PLAA: variants seen among roughly 807,000 people sequenced by gnomAD.
PLAA encodes phospholipase A-2-activating protein.
A neutral mutation model predicts 84.1 loss-of-function variants in PLAA; 48 were observed. The ratio of observed to expected loss-of-function variants is 0.57; its 90% CI spans 0.45 to 0.73. The LOEUF is 0.73. PLAA is among the 30% of genes least tolerant of loss of function. The pLI is 0.00. For missense variants in PLAA, 903 were observed against 954.7 expected (o/e 0.95, Z 0.71); for synonymous variants, 392 against 336.6 (o/e 1.16, Z -1.80).
At chr9:26,915,881 A>G in intron 10 of PLAA, 1 of 985,372 alleles carries the variant, frequency 1.0e-6, no homozygotes, top group Non-Finnish European at 1.2e-6. Flanking sequence ...TTGGATTCTC[A>G]CTTGGTATTA....
At chr9:26,945,295 A>C (rs1825656584) in intron 1 of PLAA, among the ~76,000 whole-genome samples, 4 of 152,216 alleles carry the variant, frequency 2.6e-5, no homozygotes, top group African/African-American at 9.6e-5. Flanking sequence ...CCATTATTAA[A>C]ACAGGCATCC....
intron 1 of PLAA, among the ~76,000 whole-genome samples, chr9:26,946,071 T>C (rs191062374): frequency 6.6e-6 from 1 of 152,342 alleles, no homozygotes; most frequent in Admixed American, 6.5e-5. Flanking sequence ...TCAACAGTTA[T>C]CAACTGAATT....
intron 1 of PLAA, among the ~76,000 whole-genome samples, chr9:26,937,147 A>G (rs1825385709): frequency 6.6e-6 from 1 of 152,126 alleles, no homozygotes; most frequent in South Asian, 2.1e-4. Flanking sequence ...TCTCTCAAAA[A>G]AAGAAAAAAA....
chr9:26,936,719 C>T (rs1227850301), intron 1 of PLAA, among the ~76,000 whole-genome samples: 1 of 142,558 alleles, frequency 7.0e-6, no homozygotes, highest in Non-Finnish European at 1.6e-5. Flanking sequence ...GATCTGTTCT[C>T]TGATCACTGA....
rs571180180 is a variant in PLAA at position 26,904,961 on chromosome 9, A to G, written c.*550T>C. 5.9e-5 allele frequency: 9 copies of G among 152,056 alleles called. No homozygotes were observed. The highest frequency in any genetic ancestry group is 1.3e-4 in the Admixed American group (2 of 15,256). 9.4% of individuals were successfully genotyped at this position (152,056 alleles called of 1,614,324 possible). On this transcript the variant is annotated 3_prime_UTR_variant, in exon 14 of 14. Coordinates refer to ENST00000397292, the MANE Select transcript of PLAA (RefSeq NM_001031689.3). The stretch of plus-strand genomic sequence containing the variant: ...TAAAAATAGGCCATTAAACAAATAT[A>G]CTTTAGGATTTATAAATGACAAATC...
In PLAA at chr9:26,935,236, T is replaced by C. The variant is rs964811199; in HGVS notation, c.150-30A>G. On this transcript the variant is annotated intron_variant, in intron 1 of 13. Coordinates refer to ENST00000397292, the MANE Select transcript of PLAA (RefSeq NM_001031689.3). ...AAAGACAAGATAATTAATAGATACA[T>C]ATTCGTACCCTGACTTAGCCTAGGA... is the stretch of plus-strand genomic sequence containing the variant. 4.9e-6 allele frequency: 7 copies of C among 1,420,182 alleles called. No individual in the cohort carries two copies. In the Admixed American group the frequency reaches 1.5e-4, roughly 30 times the overall value. 88.0% of individuals were successfully genotyped at this position (1,420,182 alleles called of 1,614,324 possible).
At chr9:26,930,262 G>A (rs1159588057) in intron 2 of PLAA, among the ~76,000 whole-genome samples, 1 of 151,792 alleles carries the variant, frequency 6.6e-6, no homozygotes, top group African/African-American at 2.4e-5. Flanking sequence ...CCGCCACCAC[G>A]CCCAGCTAAT....
rs777743630 is a variant in PLAA at position 26,947,082 on chromosome 9, G to C, written c.-37C>G. Reference sequence around the variant, plus strand: ...GTCTGGCGCCCGGTGCCCAGGCACTGTGCGAGACCAGTCCGCAGGGGCGAC... The same window carrying C: ...GTCTGGCGCCCGGTGCCCAGGCACTCTGCGAGACCAGTCCGCAGGGGCGAC... On this transcript the variant is annotated 5_prime_UTR_variant, in exon 1 of 14. Transcript: ENST00000397292. 4 of 1,496,508 alleles carry C rather than the reference G, an allele frequency of 2.7e-6. No homozygotes were observed. The highest frequency in any genetic ancestry group is 3.6e-6 in the Non-Finnish European group (4 of 1,121,566). The allele number at this position is 1,496,508 out of a possible 1,614,324, so 92.7% of individuals were successfully genotyped here.
At chr9:26,925,724 C>A in intron 6 of PLAA, 101 bp downstream of exon 6, 1 of 1,008,830 alleles carries the variant, frequency 9.9e-7, no homozygotes, top group Non-Finnish European at 1.5e-6. Context: ...ATATAGTCTC[C>A]TCAAGTCACG....
chr9:26,921,983 T>G (rs1824778570), intron 7 of PLAA, among the ~76,000 whole-genome samples: 1 of 152,212 alleles, frequency 6.6e-6, no homozygotes, highest in Non-Finnish European at 1.5e-5. Context: ...CGGAACATGC[T>G]CAATTTGTTC....
intron 1 of PLAA, among the ~76,000 whole-genome samples, chr9:26,936,219 G>C (rs1392450904): frequency 1.3e-5 from 2 of 150,782 alleles, no homozygotes; most frequent in Non-Finnish European, 3.0e-5. Flanking sequence ...TTTAATAAAG[G>C]CTTAATTAAA....
At chr9:26,936,409 G>A (rs913589043) in intron 1 of PLAA, among the ~76,000 whole-genome samples, 2 of 152,240 alleles carry the variant, frequency 1.3e-5, no homozygotes, top group African/African-American at 4.8e-5. Flanking sequence ...GAAGTCGGCA[G>A]AGTCGGAAGC....
At chr9:26,944,982 C>T (rs574304032) in intron 1 of PLAA, among the ~76,000 whole-genome samples, 1 of 152,278 alleles carries the variant, frequency 6.6e-6, no homozygotes, top group East Asian at 1.9e-4. Context: ...ACAAAATTAG[C>T]CGGGCATGGT....
In PLAA at chr9:26,903,777, T is replaced by G. The variant is rs930939571; in HGVS notation, c.*1734A>C. Reference sequence around the variant, plus strand: ...AATAGTAAAGTTGACATAAAAAAACTTGCACAGTAATAGGAAGCAGTGTTT... The same window carrying G: ...AATAGTAAAGTTGACATAAAAAAACGTGCACAGTAATAGGAAGCAGTGTTT... On this transcript the variant is annotated 3_prime_UTR_variant, in exon 14 of 14. Coordinates refer to ENST00000397292, the MANE Select transcript of PLAA (RefSeq NM_001031689.3). Among the ~76,000 whole-genome samples the G allele has an allele frequency of 2.6e-5, 4 of 152,180 alleles. No individual in the cohort carries two copies. The highest frequency in any genetic ancestry group is 1.3e-4 in the Admixed American group (2 of 15,276).
intron 2 of PLAA, 143 bp from the exon 3 acceptor site, chr9:26,928,551 A>T (rs1188224449): frequency 1.5e-6 from 1 of 673,790 alleles, no homozygotes; most frequent in African/African-American, 1.8e-5. Flanking sequence ...GCAGAGACGC[A>T]TAAGAGTACA....
intron 7 of PLAA, among the ~76,000 whole-genome samples, chr9:26,922,067 C>T (rs1226180148): frequency 6.6e-6 from 1 of 152,144 alleles, no homozygotes; most frequent in African/African-American, 2.4e-5. Flanking sequence ...AATAGCACTC[C>T]ATGAAAAAAC....
chr9:26,939,934 A>T (rs557715338), intron 1 of PLAA, among the ~76,000 whole-genome samples: 1 of 152,346 alleles, frequency 6.6e-6, no homozygotes, highest in African/African-American at 2.4e-5. Flanking sequence ...TTCTACAATA[A>T]TAGTTGAAGA....
At chr9:26,937,261 A>G (rs1440247885) in intron 1 of PLAA, among the ~76,000 whole-genome samples, 3 of 152,210 alleles carry the variant, frequency 2.0e-5, no homozygotes, top group Non-Finnish European at 4.4e-5. Flanking sequence ...AAAAAATTAG[A>G]AAGTGAAAGT....
intron 4 of PLAA, among the ~76,000 whole-genome samples, chr9:26,927,326 T>G (rs1825006726): frequency 6.6e-6 from 1 of 151,996 alleles, no homozygotes; most frequent in South Asian, 2.1e-4. Context: ...TTTCACCATG[T>G]TGGCCAGGCT....
Sources: gnomAD v4.1 joint callset for allele counts (sites outside exome capture counted in the v4.1 genomes callset) on GRCh38, gnomAD v4.1.1 for gene constraint, MANE v1.5 for transcripts, NCBI Gene and HGNC (gene_info 2026-07-23, HGNC 2026-07-21) for gene names.